NWD1: variants seen among roughly 807,000 people sequenced by gnomAD.
The protein encoded by NWD1 is NACHT and WD repeat domain containing 1, also known as NACHT domain- and WD repeat-containing protein 1.
Under a neutral mutation model 135.1 loss-of-function variants are expected in NWD1, and 129 were observed. The observed-to-expected ratio is 0.96, with a 90% CI of 0.83 to 1.11. The LOEUF is 1.11. Ranked by LOEUF, NWD1 falls within the 50% of genes least tolerant of loss-of-function variation. NWD1 has a pLI of 0.00. For synonymous variants in NWD1, 773 were observed against 786.0 expected (o/e 0.98, Z 0.28); for missense variants, 1,740 against 1,851.3 (o/e 0.94, Z 1.10).
chr19:16,754,446 A>T (rs949988472), intron 6 of NWD1, among the ~76,000 whole-genome samples: 1 of 136,692 alleles, frequency 7.3e-6, no homozygotes, highest in African/African-American at 2.8e-5. Flanking sequence ...TCTTCCTCCC[A>T]TCCATCATCT....
At chr19:16,722,897 A>G (rs923147935) in intron 1 of NWD1, among the ~76,000 whole-genome samples, 64 of 152,100 alleles carry the variant, frequency 4.2e-4, no homozygotes, top group African/African-American at 1.5e-3. Context: ...ACCAAGGCTC[A>G]GGAGAGCTTT....
chr19:16,794,328 C>T (rs761336469), intron 14 of NWD1, 135 bp from the exon 15 acceptor site: 8 of 552,680 alleles, frequency 1.4e-5, no homozygotes, highest in Admixed American at 3.1e-5. Flanking sequence ...ATCATACCAC[C>T]GCACTCCTGC....
At chr19:16,733,666 T>C (rs1263309519) in intron 3 of NWD1, among the ~76,000 whole-genome samples, 1 of 152,118 alleles carries the variant, frequency 6.6e-6, no homozygotes, top group Non-Finnish European at 1.5e-5. Flanking sequence ...TCATGAGACA[T>C]AGTTCAATGT....
At chr19:16,799,865 C>A in intron 16 of NWD1, 21 bp from the exon 17 acceptor site, 1 of 1,570,152 alleles carries the variant, frequency 6.4e-7, no homozygotes, top group South Asian at 1.2e-5. Flanking sequence ...TCAGATCTGC[C>A]CTCCTGTTCT....
chr19:16,802,009 G>A lies in NWD1; in HGVS notation c.3736+1847G>A, dbSNP rs548290955. ...GCAATAAAAATAAAAATAATGGCCG[G>A]GCATGGTGGCTCACGCCTGTAGTCC... On this transcript the variant is annotated intron_variant, in intron 17 of 18. Coordinates refer to ENST00000524140, the MANE Select transcript of NWD1 (RefSeq NM_001007525.5). Among the ~76,000 whole-genome samples, 5 of 152,126 alleles carry A rather than the reference G, an allele frequency of 3.3e-5. No homozygotes were observed. The South Asian group carries it at 1.0e-3, about 32-fold the overall frequency.
intron 12 of NWD1, among the ~76,000 whole-genome samples, chr19:16,784,740 C>A (rs1969979924): frequency 6.6e-6 from 1 of 151,846 alleles, no homozygotes; most frequent in Middle Eastern, 3.2e-3. Context: ...ACCATCCTGG[C>A]CAACATGGTG....
At chr19:16,776,774 A>T (rs796404888) in intron 11 of NWD1, among the ~76,000 whole-genome samples, 3 of 91,916 alleles carry the variant, frequency 3.3e-5, no homozygotes, top group South Asian at 3.3e-4. Context: ...ACAAAAAGTT[A>T]AAAAAAAAAA....
rs758751443 is a variant in NWD1, at chr19:16,791,582, G to C, written c.3173G>C (p.Gly1058Ala). ...PTCAVSVQKQ[G>A]KLVTGFSNGS... Reference sequence around the variant, plus strand: ...TGTGCCGTCTCAGTCCAGAAGCAAGGAAAGCTTGTTACCGGGTTTAGCAAT... The same window carrying C: ...TGTGCCGTCTCAGTCCAGAAGCAAGCAAAGCTTGTTACCGGGTTTAGCAAT... Residue 1058 changes from glycine (G) to alanine (A), a missense_variant, in exon 14 of 19, where the codon GGA becomes GCA. Coordinates refer to ENST00000524140, the MANE Select transcript of NWD1 (RefSeq NM_001007525.5). 6.2e-7 allele frequency: 1 copy of C among 1,614,076 alleles called. No homozygotes were observed. The highest frequency in any genetic ancestry group is 2.2e-5 in the East Asian group (1 of 44,896).
At chr19:16,808,770 G>A (rs994362381) in intron 18 of NWD1, among the ~76,000 whole-genome samples, 1 of 151,950 alleles carries the variant, frequency 6.6e-6, no homozygotes, top group African/African-American at 2.4e-5. Context: ...ACCGGACCTG[G>A]CTACAAAGTT....
At chr19:16,755,854 A>G (rs1968774471) in intron 6 of NWD1, among the ~76,000 whole-genome samples, 1 of 152,120 alleles carries the variant, frequency 6.6e-6, no homozygotes, top group South Asian at 2.1e-4. Flanking sequence ...CTATCTCTGT[A>G]TATACAGTTG....
At chr19:16,761,924 A>G in intron 7 of NWD1, 55 bp from the exon 8 acceptor site, 1 of 1,489,324 alleles carries the variant, frequency 6.7e-7, no homozygotes, top group Non-Finnish European at 9.2e-7. Flanking sequence ...ACAAGCAGCC[A>G]CCTTTGAGCT....
rs749234086 is a variant in NWD1 at position 16,797,744 on chromosome 19, CG to C, written c.3319del (p.Val1107CysfsTer36). On this transcript the variant is annotated frameshift_variant, in exon 16 of 19. Transcript: ENST00000524140. LOFTEE classifies it high-confidence loss of function. Reference protein sequence around the residue: ...ESLLAAGFGRSVRIFLADSRG... With the variant: ...ESLLAAGFGRXVRIFLADSRG... ...CCTGCCGTTTCAGGCTTTGGAAGAT[CG>C]GTGCGGATATTCTTGGCGGACTCGA... 6.2e-7 allele frequency: 1 copy of C among 1,613,724 alleles called. No individual in the cohort carries two copies. The highest frequency in any genetic ancestry group is 1.7e-5 in the Admixed American group (1 of 59,944).
At chr19:16,762,688 C>G (rs1265618608) in intron 8 of NWD1, among the ~76,000 whole-genome samples, 1 of 152,132 alleles carries the variant, frequency 6.6e-6, no homozygotes, top group Non-Finnish European at 1.5e-5. Flanking sequence ...CTTGATGTTT[C>G]TTTTTCTCTG....
chr19:16,740,469 G>T (rs1968033072), intron 4 of NWD1, among the ~76,000 whole-genome samples: 3 of 151,764 alleles, frequency 2.0e-5, no homozygotes, highest in Non-Finnish European at 4.4e-5. Flanking sequence ...CTGAGTAGCT[G>T]GGATTACAGG....
intron 2 of NWD1, among the ~76,000 whole-genome samples, chr19:16,729,326 C>G (rs1001976142): frequency 6.6e-6 from 1 of 152,002 alleles, no homozygotes; most frequent in African/African-American, 2.4e-5. Flanking sequence ...CTGTCATATC[C>G]ACACCAGAAT....
chr19:16,749,350 A>C lies in NWD1; in HGVS notation c.708A>C (p.Pro236=), dbSNP rs747041548. Residue 236 remains proline (P), a synonymous_variant, in exon 6 of 19, where the codon CCA becomes CCC. Transcript: ENST00000524140. ...SLKSHITDMH[P]GVLKTHRLPW... is the part of the protein sequence containing the mutation. ...AAAGTCACATCACTGACATGCACCCAGGGGTCCTCAAGACCCACCGCCTGC... is the reference window on the plus strand; with the variant it reads ...AAAGTCACATCACTGACATGCACCCCGGGGTCCTCAAGACCCACCGCCTGC... 11 of 1,613,620 alleles carry C rather than the reference A, an allele frequency of 6.8e-6. No individual in the cohort carries two copies. The East Asian group carries it at 8.9e-5, about 13-fold the overall frequency.
chr19:16,779,570 T>C, intron 12 of NWD1, 105 bp downstream of exon 12: 1 of 1,050,304 alleles, frequency 9.5e-7, no homozygotes, highest in Non-Finnish European at 1.4e-6. Context: ...ACCCTGGCCT[T>C]TGTTCCTGCA....
chr19:16,816,870 T>G lies in NWD1; in HGVS notation c.*1831T>G, dbSNP rs1971080551. 1 of 152,222 alleles carries G rather than the reference T, an allele frequency of 6.6e-6. No individual in the cohort carries two copies. Among genetic ancestry groups the G allele is most frequent in the Non-Finnish European group, 1.5e-5 (1 of 68,040 alleles). The allele number at this position is 152,222 out of a possible 1,614,324, so 9.4% of individuals were successfully genotyped here. A position where few individuals can be genotyped will look rare whatever the true frequency, so the allele number is the denominator to read the frequency against. ...GTTCTGCAAATGTTAGTGTCAAATT[T>G]CATTTAAAAATATTTTAAACTGTAA... On this transcript the variant is annotated 3_prime_UTR_variant, in exon 19 of 19. Transcript: ENST00000524140.
chr19:16,749,251 C>A lies in NWD1; in HGVS notation c.609C>A (p.Cys203Ter). The change falls in exon 6 of 19, where the codon TGC (cysteine) becomes TGA (stop). Residue 203 changes from cysteine to a stop codon, truncating the protein, a stop_gained. Transcript: ENST00000524140. LOFTEE classifies it high-confidence loss of function. Reference sequence around the variant, plus strand: ...TCCACAAACACATCCTTGAAGACTGCGCCCTTAGGATGGTGGACCGGCTCG... The same window carrying A: ...TCCACAAACACATCCTTGAAGACTGAGCCCTTAGGATGGTGGACCGGCTCG... Reference protein sequence around the residue: ...QDLHKHILEDCALRMVDRLAD... With the variant: ...QDLHKHILED 6.2e-7 allele frequency: 1 copy of A among 1,614,010 alleles called. No homozygotes were observed. Among genetic ancestry groups the A allele is most frequent in the Non-Finnish European group, 8.5e-7 (1 of 1,179,936 alleles).
Sources: allele counts gnomAD v4.1 joint callset (sites outside exome capture counted in the v4.1 genomes callset), GRCh38; gene constraint gnomAD v4.1.1; transcripts MANE v1.5; gene names NCBI Gene and HGNC (gene_info 2026-07-23, HGNC 2026-07-21).